KDM4C: variants seen among roughly 807,000 people sequenced by gnomAD.
KDM4C encodes the protein lysine-specific demethylase 4C.
A neutral mutation model predicts 129.3 loss-of-function variants in KDM4C; 81 were observed. The observed-to-expected ratio is 0.63, with a 90% CI of 0.52 to 0.75. KDM4C has a LOEUF of 0.75. KDM4C is among the 30% of genes least tolerant of loss of function. The pLI, the probability that KDM4C is intolerant of heterozygous loss-of-function variation, is 0.00. For synonymous variants in KDM4C, 573 were observed against 456.1 expected, an observed-to-expected ratio of 1.26 and a Z score of -3.26; for missense variants, 1,457 against 1,304.0, an observed-to-expected ratio of 1.12 and a Z score of -1.81.
chr9:6,919,833 C>G (rs969750754), intron 8 of KDM4C, among the ~76,000 whole-genome samples: 2 of 151,974 alleles, frequency 1.3e-5, no homozygotes, highest in Non-Finnish European at 2.9e-5. Flanking sequence ...CCTTGGCCCC[C>G]CAAAGTGCTA....
intron 15 of KDM4C, among the ~76,000 whole-genome samples, chr9:7,040,381 G>GTA (rs1554712825): frequency 7.1e-6 from 1 of 140,572 alleles, no homozygotes; most frequent in Admixed American, 7.2e-5. Context: ...GTGTGTGTGT[G>GTA]TGTGTGTGTG....
At chr9:7,164,650 C>G (rs1245077732) in intron 19 of KDM4C, among the ~76,000 whole-genome samples, 1 of 152,172 alleles carries the variant, frequency 6.6e-6, no homozygotes. Flanking sequence ...GCTTTATTGG[C>G]AAGTCCTACC....
chr9:7,021,128 G>A (rs1824755966), intron 15 of KDM4C, among the ~76,000 whole-genome samples: 2 of 112,340 alleles, frequency 1.8e-5, no homozygotes, highest in Admixed American at 2.0e-4. Flanking sequence ...ATATGTGTGT[G>A]TGTGTGTGTG....
intron 3 of KDM4C, among the ~76,000 whole-genome samples, chr9:6,813,536 A>G (rs933445989): frequency 6.6e-5 from 6 of 91,248 alleles, no homozygotes; most frequent in African/African-American, 2.2e-4. Flanking sequence ...TCTGTAGTCA[A>G]TCTAAAATGT....
intron 5 of KDM4C, among the ~76,000 whole-genome samples, chr9:6,864,701 T>C (rs1243302866): frequency 6.6e-6 from 1 of 151,922 alleles, no homozygotes; most frequent in Non-Finnish European, 1.5e-5. Context: ...TCTGTTGTTA[T>C]TTCTTTGAGT....
chr9:7,156,001 C>T (rs1487513285), intron 19 of KDM4C, among the ~76,000 whole-genome samples: 3 of 152,316 alleles, frequency 2.0e-5, no homozygotes, highest in East Asian at 1.9e-4. Flanking sequence ...CCTATTTCTC[C>T]ACATCCTCTC....
At chr9:6,983,908 A>T (rs1382128574) in intron 9 of KDM4C, among the ~76,000 whole-genome samples, 1 of 152,046 alleles carries the variant, frequency 6.6e-6, no homozygotes, top group East Asian at 1.9e-4. Flanking sequence ...AATTTTAGGA[A>T]TGGCCCTTTT....
At chr9:6,748,726 G>C in intron 1 of KDM4C, 1 of 1,481,650 alleles carries the variant, frequency 6.7e-7, no homozygotes, top group Non-Finnish European at 9.4e-7. Context: ...CTTTGTAGCA[G>C]AGTAATATTA....
intron 17 of KDM4C, among the ~76,000 whole-genome samples, chr9:7,083,229 TA>T (rs1834735823): frequency 6.6e-6 from 1 of 152,228 alleles, no homozygotes; most frequent in African/African-American, 2.4e-5. Flanking sequence ...ATACTTGCAT[TA>T]TATACTTACT....
chr9:6,841,630 G>T (rs897463028), intron 4 of KDM4C, among the ~76,000 whole-genome samples: 2 of 152,218 alleles, frequency 1.3e-5, no homozygotes, highest in African/African-American at 4.8e-5. Flanking sequence ...CACGTTTTGT[G>T]TGTTCAGTTG....
chr9:7,048,371 A>T (rs1448697862), intron 16 of KDM4C, among the ~76,000 whole-genome samples: 1 of 152,112 alleles, frequency 6.6e-6, no homozygotes, highest in Non-Finnish European at 1.5e-5. Flanking sequence ...TGGCTTAAAA[A>T]TAGGTTGATG....
intron 5 of KDM4C, among the ~76,000 whole-genome samples, chr9:6,861,473 C>G (rs1374734547): frequency 6.6e-6 from 1 of 152,132 alleles, no homozygotes; most frequent in Non-Finnish European, 1.5e-5. Context: ...TTGATTAGAA[C>G]TAGTCTGATA....
At position 7,097,419 on chromosome 9, in the gene KDM4C, C is replaced by T. The variant is rs901330290; in HGVS notation, c.2425-6266C>T. 5.9e-5 allele frequency among the ~76,000 whole-genome samples: 9 copies of T among 152,334 alleles called. No individual in the cohort carries two copies. The South Asian group carries it at 6.2e-4, about 11-fold the overall frequency. Reference sequence around the variant, plus strand: ...GAACTCATCCAGCTGTGTCTGGTCTCGGTAACTCTTGGCCTTCAGTTCAGA... The same window carrying T: ...GAACTCATCCAGCTGTGTCTGGTCTTGGTAACTCTTGGCCTTCAGTTCAGA... On this transcript the variant is annotated intron_variant, in intron 17 of 21. Transcript: ENST00000381309.
In KDM4C at chr9:7,175,622, TA is replaced by T. The variant is rs1243693089; in HGVS notation, c.*898del. On this transcript the variant is annotated 3_prime_UTR_variant, in exon 22 of 22. Coordinates refer to ENST00000381309, the MANE Select transcript of KDM4C (RefSeq NM_015061.6). ...AACAGCCTGAAAATGTACTAGTGTTTAAAAATAAAGATTTCCATTTTCTCCA... is the reference window on the plus strand; with the variant it reads ...AACAGCCTGAAAATGTACTAGTGTTTAAAATAAAGATTTCCATTTTCTCCA... 6.6e-6 allele frequency: 1 copy of T among 152,392 alleles called. No individual in the cohort carries two copies. Among genetic ancestry groups the T allele is most frequent in the East Asian group, 1.9e-4 (1 of 5,208 alleles). 9.4% of individuals were successfully genotyped at this position (152,392 alleles called of 1,614,324 possible). A position where few individuals can be genotyped will look rare whatever the true frequency, so the allele number is the denominator to read the frequency against.
intron 17 of KDM4C, among the ~76,000 whole-genome samples, chr9:7,053,664 A>G (rs1055987491): frequency 6.6e-6 from 1 of 152,232 alleles, no homozygotes; most frequent in African/African-American, 2.4e-5. Flanking sequence ...TTAAAAACCT[A>G]AAACATTTTA....
chr9:6,737,487 C>A (rs114672705), intron 1 of KDM4C, among the ~76,000 whole-genome samples: 1,446 of 78,116 alleles, frequency 0.019, 23 homozygotes, highest in African/African-American at 0.069. Context: ...CTGGTGAAAC[C>A]CCATCTCTAC....
At chr9:7,045,307 T>C (rs1829235776) in intron 15 of KDM4C, among the ~76,000 whole-genome samples, 1 of 152,024 alleles carries the variant, frequency 6.6e-6, no homozygotes, top group Non-Finnish European at 1.5e-5. Context: ...AGAGCCTGAG[T>C]GCTTCACAGT....
At chr9:6,820,392 G>C (rs1832814609) in intron 4 of KDM4C, among the ~76,000 whole-genome samples, 1 of 152,104 alleles carries the variant, frequency 6.6e-6, no homozygotes, top group South Asian at 2.1e-4. Context: ...GCATAGGAGG[G>C]TGAGGAAAAA....
intron 15 of KDM4C, among the ~76,000 whole-genome samples, chr9:7,030,355 A>G (rs1186105804): frequency 6.6e-6 from 1 of 152,216 alleles, no homozygotes; most frequent in African/African-American, 2.4e-5. Flanking sequence ...TCATTCATCT[A>G]TGAAAATGCT....
Sources: allele counts gnomAD v4.1 joint callset (sites outside exome capture counted in the v4.1 genomes callset), GRCh38; gene constraint gnomAD v4.1.1; transcripts MANE v1.5; gene names NCBI Gene and HGNC (gene_info 2026-07-23, HGNC 2026-07-21).